The following TVP23C variants were observed in gnomAD, a reference collection of about 807,000 sequenced individuals.
TVP23C encodes trans-golgi network vesicle protein 23 homolog C.
A neutral mutation model predicts 28.7 loss-of-function variants in TVP23C; 19 were observed. That is an observed-to-expected ratio of 0.66 (90% confidence interval 0.46 to 0.97). TVP23C has a LOEUF of 0.97. Among genes scored for constraint, TVP23C ranks in the 50% least tolerant of loss-of-function variants. The pLI, the probability that TVP23C is intolerant of heterozygous loss-of-function variation, is 0.00. For missense variants in TVP23C, 186 were observed against 241.3 expected (o/e 0.77, Z 1.52); for synonymous variants, 68 against 81.7 (o/e 0.83, Z 0.90).
At chr17:15,547,981 A>G in intron 3 of TVP23C, among the ~76,000 whole-genome samples, 1 of 152,186 alleles carries the variant, frequency 6.6e-6, no homozygotes, top group Non-Finnish European at 1.5e-5. Context: ...AAAAAATGTT[A>G]CCTTCATTTT....
At chr17:15,546,550 C>G (rs1163086958) in intron 4 of TVP23C, among the ~76,000 whole-genome samples, 2 of 150,846 alleles carry the variant, frequency 1.3e-5, no homozygotes, top group Admixed American at 6.6e-5. Context: ...TGAATATTCA[C>G]TATAGTGTAG....
At chr17:15,541,112 A>G (rs1035690711) in intron 5 of TVP23C, among the ~76,000 whole-genome samples, 32 of 152,110 alleles carry the variant, frequency 2.1e-4, no homozygotes, top group Non-Finnish European at 2.6e-4. Context: ...TCCAAGGGGA[A>G]CTGTACTTTT....
intron 5 of TVP23C, among the ~76,000 whole-genome samples, chr17:15,530,541 CA>C (rs1982910021): frequency 1.3e-5 from 2 of 152,294 alleles, no homozygotes; most frequent in African/African-American, 4.8e-5. Flanking sequence ...TTAGGTCAGA[CA>C]GGAAAAGAAT....
chr17:15,506,101 TCCACCTGCAGCC>T (rs1157046707), intron 5 of TVP23C, among the ~76,000 whole-genome samples: 2 of 152,242 alleles, frequency 1.3e-5, no homozygotes, highest in African/African-American at 4.8e-5. Flanking sequence ...GGCAGGCAGC[TCCACCTGCAGCC>T]CCGGTGCGGG....
chr17:15,542,733 C>T (rs1567640509), intron 5 of TVP23C, among the ~76,000 whole-genome samples: 1 of 152,158 alleles, frequency 6.6e-6, no homozygotes. Flanking sequence ...CCTTGGCCCT[C>T]CCAAAGTGCT....
chr17:15,540,716 T>C (rs921582667), intron 5 of TVP23C, among the ~76,000 whole-genome samples, 155 bp from the exon 6 acceptor site: 1 of 151,914 alleles, frequency 6.6e-6, no homozygotes, highest in South Asian at 2.1e-4. Flanking sequence ...CCAGAGACAG[T>C]TGCCAGAACA....
At chr17:15,559,396 A>G (rs137920188) in intron 1 of TVP23C, among the ~76,000 whole-genome samples, 1 of 148,706 alleles carries the variant, frequency 6.7e-6, no homozygotes, top group Non-Finnish European at 1.5e-5. Flanking sequence ...CCATGGACAC[A>G]AAAGATTTCG....
At chr17:15,549,698 T>G (rs1382757234) in intron 3 of TVP23C, among the ~76,000 whole-genome samples, 8 of 151,328 alleles carry the variant, frequency 5.3e-5, no homozygotes, top group Non-Finnish European at 8.8e-5. Context: ...AAAAAAGATT[T>G]GAGATGCCTT....
At chr17:15,555,523 C>T (rs1347218672) in intron 1 of TVP23C, among the ~76,000 whole-genome samples, 159 bp from the exon 2 acceptor site, 1 of 152,244 alleles carries the variant, frequency 6.6e-6, no homozygotes, top group Non-Finnish European at 1.5e-5. Context: ...AGATCCTCCA[C>T]CCGCCTCCTC....
At chr17:15,549,877 G>T (rs1298674845) in intron 3 of TVP23C, among the ~76,000 whole-genome samples, 1 of 151,560 alleles carries the variant, frequency 6.6e-6, no homozygotes, top group Non-Finnish European at 1.5e-5. Flanking sequence ...AGAAGAAAAG[G>T]AAGAGTCTTA....
chr17:15,543,347 A>G (rs538186572), intron 5 of TVP23C, among the ~76,000 whole-genome samples: 173 of 151,632 alleles, frequency 1.1e-3, no homozygotes, highest in African/African-American at 4.0e-3. Flanking sequence ...AAGGATAAGC[A>G]AAATGGATAA....
chr17:15,537,551 A>G lies in TVP23C; in HGVS notation c.*2861T>C. On this transcript the variant is annotated 3_prime_UTR_variant, in exon 6 of 6. Coordinates refer to ENST00000518321, the MANE Select transcript of TVP23C (RefSeq NM_001135036.2). The stretch of plus-strand genomic sequence containing the variant: ...CTTACAAACAAAAATAAAATTTTAT[A>G]AAGTAGTTAATACCACTGGCCCTAA... The G allele has an allele frequency of 4.1e-6, 4 of 983,292 alleles. No homozygotes were observed. The highest frequency in any genetic ancestry group is 4.8e-6 in the Non-Finnish European group (4 of 827,970). The allele number at this position is 983,292 out of a possible 1,614,324, so 60.9% of individuals were successfully genotyped here. A position where few individuals can be genotyped will look rare whatever the true frequency, so the allele number is the denominator to read the frequency against.
exon 6 of TVP23C, chr17:15,502,785 C>CTCT (rs1441523798): frequency 6.8e-6 from 10 of 1,470,750 alleles, no homozygotes; most frequent in Middle Eastern, 4.7e-4. Flanking sequence ...TCTCTTCCCT[C>CTCT]CCTCTCTCCT....
At chr17:15,515,401 T>C (rs1982181544) in intron 5 of TVP23C, among the ~76,000 whole-genome samples, 1 of 152,114 alleles carries the variant, frequency 6.6e-6, no homozygotes, top group African/African-American at 2.4e-5. Flanking sequence ...CAAGCACCCA[T>C]GTGAACCAGG....
At chr17:15,534,129 C>T (rs1983054823), downstream of TVP23C, among the ~76,000 whole-genome samples, 1 of 151,958 alleles carries the variant, frequency 6.6e-6, no homozygotes, top group Admixed American at 6.5e-5. Flanking sequence ...GTTGCTCTTC[C>T]TTTCTCATTA....
intron 5 of TVP23C, among the ~76,000 whole-genome samples, chr17:15,509,991 C>A (rs1981931433): frequency 1.3e-5 from 2 of 152,188 alleles, no homozygotes; most frequent in Admixed American, 1.3e-4. Flanking sequence ...AAAGAACCTG[C>A]CAATGGGCTA....
In TVP23C at chr17:15,502,945, C is replaced by T. The variant is rs749844274; in HGVS notation, c.750G>A (p.Trp250Ter). ...TATTGGGACTCTCCCCACCTCCCCT[C>T]CAGGCCCAAAGCCGCAAGGAGAGAA... Residue 250 changes from tryptophan (W) to a stop codon, truncating the protein, a stop_gained, in exon 6 of 6, where the codon TGG (tryptophan) becomes TGA (stop). Coordinates refer to the TVP23C transcript ENST00000225576. LOFTEE classifies it low-confidence loss of function (END_TRUNC). 21 of 1,613,998 alleles carry T rather than the reference C, an allele frequency of 1.3e-5. No homozygotes were observed. In the South Asian group the frequency reaches 2.1e-4, roughly 16 times the overall value.
chr17:15,518,455 C>A (rs1290404272), intron 5 of TVP23C, among the ~76,000 whole-genome samples: 2 of 152,170 alleles, frequency 1.3e-5, no homozygotes, highest in African/African-American at 4.8e-5. Flanking sequence ...CATCAGCATG[C>A]CAGCAATACC....
chr17:15,555,146 C>T, intron 2 of TVP23C, 136 bp downstream of exon 2: 4 of 1,230,156 alleles, frequency 3.3e-6, no homozygotes, highest in Non-Finnish European at 4.5e-6. Flanking sequence ...TTGTCTTACA[C>T]TAAATGTTAA....
Sources: gnomAD v4.1 joint callset for allele counts (sites outside exome capture counted in the v4.1 genomes callset) on GRCh38, gnomAD v4.1.1 for gene constraint, MANE v1.5 for transcripts, NCBI Gene and HGNC (gene_info 2026-07-23, HGNC 2026-07-21) for gene names.